CRYBG1: variants seen among roughly 807,000 people sequenced by gnomAD.
CRYBG1 encodes the protein beta/gamma crystallin domain-containing protein 1.
Under a neutral mutation model 189.2 loss-of-function variants are expected in CRYBG1, and 139 were observed. That is an observed-to-expected ratio of 0.73 (90% CI 0.64 to 0.85). The LOEUF (loss-of-function observed/expected upper bound fraction) is 0.85. Ranked by LOEUF, CRYBG1 falls within the 40% of genes least tolerant of loss-of-function variation. The pLI is 0.00. For missense variants in CRYBG1, 2,611 were observed against 2,675.8 expected (o/e 0.98, Z 0.53); for synonymous variants, 1,023 against 1,017.1 (o/e 1.01, Z -0.11).
At chr6:106,403,990 T>C (rs1412027510) in intron 1 of CRYBG1, among the ~76,000 whole-genome samples, 1 of 152,230 alleles carries the variant, frequency 6.6e-6, no homozygotes, top group Non-Finnish European at 1.5e-5. Flanking sequence ...AGCTGAAAAG[T>C]ATCAAAGTTA....
intron 1 of CRYBG1, among the ~76,000 whole-genome samples, chr6:106,400,135 TCAAA>T (rs1325980098): frequency 1.8e-5 from 1 of 55,472 alleles, no homozygotes; most frequent in African/African-American, 7.0e-5. Context: ...AGACTCCATC[TCAAA>T]AAAAAAAAAA....
chr6:106,510,396 T>A (rs1440241583), intron 2 of CRYBG1, among the ~76,000 whole-genome samples: 2 of 152,232 alleles, frequency 1.3e-5, no homozygotes, highest in African/African-American at 4.8e-5. Context: ...TTGCTTTTAT[T>A]GGTTTGTTCT....
chr6:106,389,614 A>G (rs1366331219), intron 1 of CRYBG1, among the ~76,000 whole-genome samples: 1 of 152,022 alleles, frequency 6.6e-6, no homozygotes, highest in African/African-American at 2.4e-5. Flanking sequence ...AAAAATAGCA[A>G]TTTTTTACCT....
intron 1 of CRYBG1, among the ~76,000 whole-genome samples, chr6:106,433,450 GGTGAAT>G (rs1205168783): frequency 4.6e-5 from 7 of 151,954 alleles, no homozygotes; most frequent in Non-Finnish European, 8.8e-5. Context: ...GTCCTCCTGG[GGTGAAT>G]GTTCTATTGA....
intron 2 of CRYBG1, among the ~76,000 whole-genome samples, chr6:106,510,351 C>G (rs1468168993): frequency 1.2e-4 from 18 of 152,236 alleles, no homozygotes; most frequent in Non-Finnish European, 1.5e-5. Context: ...CCCACTCTGG[C>G]AAACCCCGGA....
chr6:106,521,376 G>A lies in CRYBG1; in HGVS notation c.4168G>A (p.Asp1390Asn), dbSNP rs142617024. 17 of 1,613,186 alleles carry A rather than the reference G, an allele frequency of 1.1e-5. No individual in the cohort carries two copies. The African/African-American group carries it at 1.3e-4, about 13-fold the overall frequency. ...GCCAAACTGTGCAAACAGTGACACC[G>A]ACTTCATGGGTCTTTTCAAATCAAG... is the stretch of plus-strand genomic sequence containing the variant. ...NLPNCANSDTDFMGLFKSSRY... is the reference protein window; with the variant it reads ...NLPNCANSDTNFMGLFKSSRY... Residue 1390 changes from aspartate to asparagine, a missense_variant, in exon 4 of 22, where the codon GAC (aspartate) becomes AAC (asparagine). Transcript: ENST00000633556.
In CRYBG1 at chr6:106,461,076, T is replaced by C. The variant is rs1056516820; in HGVS notation, c.312+9244T>C. 2.8e-5 allele frequency among the ~76,000 whole-genome samples: 3 copies of C among 107,544 alleles called. No individual in the cohort carries two copies. In the Admixed American group the frequency reaches 3.2e-4, roughly 12 times the overall value. The allele number at this position is 107,544 out of a possible 152,430, so 70.6% of individuals were successfully genotyped here. On this transcript the variant is annotated intron_variant, in intron 2 of 21. Transcript: ENST00000633556. ...CTGGGATTACAGGGGTGAGCCACCG[T>C]GCCCGACCTTTGATCCCTTTGGTTA... is the stretch of plus-strand genomic sequence containing the variant.
At chr6:106,420,694 ATGGTTGTGTC>A (rs1206395107) in intron 1 of CRYBG1, 1 of 153,058 alleles carries the variant, frequency 6.5e-6, no homozygotes, top group Admixed American at 6.5e-5. Context: ...TTCTGTCAAA[ATGGTTGTGTC>A]TGGCTGGTCT....
rs116770769 is a variant in CRYBG1 at position 106,370,460 on chromosome 6, C to A, written c.173+9379C>A. Among the ~76,000 whole-genome samples, 401 of 152,308 alleles carry A rather than the reference C, an allele frequency of 2.6e-3. 2 individuals are homozygous for A. Among genetic ancestry groups the A allele is most frequent in the African/African-American group, 8.8e-3 (364 of 41,564 alleles). On this transcript the variant is annotated intron_variant, in intron 1 of 21. Coordinates refer to ENST00000633556, the MANE Select transcript of CRYBG1 (RefSeq NM_001371242.2). ...AGAAAGCTGCTCCTGGCTGCTCTAA[C>A]TTTAGGCCTCTAGAAGCCCTGCTGC...
At chr6:106,481,385 C>T (rs541255287) in intron 2 of CRYBG1, among the ~76,000 whole-genome samples, 25 of 152,180 alleles carry the variant, frequency 1.6e-4, no homozygotes, top group Non-Finnish European at 2.6e-4. Context: ...CCAAACCTTA[C>T]CAGCCATAGA....
intron 2 of CRYBG1, among the ~76,000 whole-genome samples, chr6:106,497,205 T>C (rs982430056): frequency 4.0e-5 from 6 of 151,288 alleles, no homozygotes; most frequent in African/African-American, 1.5e-4. Flanking sequence ...GGGTGAAGAA[T>C]AAAACCAAAT....
At chr6:106,385,632 G>A (rs1770371426) in intron 1 of CRYBG1, among the ~76,000 whole-genome samples, 1 of 152,166 alleles carries the variant, frequency 6.6e-6, no homozygotes, top group Non-Finnish European at 1.5e-5. Context: ...ACAAAAACAA[G>A]AATTGTTGTT....
chr6:106,516,968 C>T (rs562252765), intron 3 of CRYBG1, among the ~76,000 whole-genome samples: 236 of 149,006 alleles, frequency 1.6e-3, no homozygotes, highest in Admixed American at 6.4e-3. Flanking sequence ...TATGCTTTAT[C>T]TCTCCCGTTT....
chr6:106,369,004 T>C (rs1263266009), intron 1 of CRYBG1, among the ~76,000 whole-genome samples: 1 of 152,238 alleles, frequency 6.6e-6, no homozygotes, highest in East Asian at 1.9e-4. Context: ...AAGAACTCCC[T>C]TTACAGAGCT....
intron 2 of CRYBG1, among the ~76,000 whole-genome samples, chr6:106,509,450 A>G (rs1773199261): frequency 6.6e-6 from 1 of 152,216 alleles, no homozygotes; most frequent in Non-Finnish European, 1.5e-5. Context: ...GAAGAATCGG[A>G]TTAATCAAAA....
intron 2 of CRYBG1, among the ~76,000 whole-genome samples, chr6:106,490,166 G>A (rs1315231098): frequency 1.3e-5 from 2 of 152,230 alleles, no homozygotes; most frequent in Non-Finnish European, 2.9e-5. Flanking sequence ...CTGGAGTGAT[G>A]TAATGCTGTT....
chr6:106,462,586 AT>A (rs1261915076), intron 2 of CRYBG1, among the ~76,000 whole-genome samples: 1 of 152,200 alleles, frequency 6.6e-6, no homozygotes, highest in Non-Finnish European at 1.5e-5. Flanking sequence ...AGAACCTCTA[AT>A]GCTAGAGAAA....
chr6:106,508,173 G>A (rs532532242), intron 2 of CRYBG1, among the ~76,000 whole-genome samples: 6 of 152,292 alleles, frequency 3.9e-5, no homozygotes, highest in African/African-American at 1.4e-4. Flanking sequence ...AGCCTAGGAG[G>A]TTGAGGCTGC....
At chr6:106,425,855 C>T (rs773581582) in intron 1 of CRYBG1, among the ~76,000 whole-genome samples, 2 of 152,244 alleles carry the variant, frequency 1.3e-5, no homozygotes, top group South Asian at 4.1e-4. Context: ...CCAGGCCGGT[C>T]TTGAACTCCG....
Sources: allele counts gnomAD v4.1 joint callset (sites outside exome capture counted in the v4.1 genomes callset), GRCh38; gene constraint gnomAD v4.1.1; transcripts MANE v1.5; gene names NCBI Gene and HGNC (gene_info 2026-07-23, HGNC 2026-07-21).